CYTH3: variants seen among roughly 807,000 people sequenced by gnomAD.
CYTH3 encodes the protein cytohesin-3.
Under a neutral mutation model 55.1 loss-of-function variants are expected in CYTH3, and 23 were observed. That is an observed-to-expected ratio of 0.42 (90% CI 0.30 to 0.59). The LOEUF (loss-of-function observed/expected upper bound fraction) is 0.59, where lower values mean the gene tolerates loss of function less well. CYTH3 is among the 20% of genes least tolerant of loss of function. The pLI, the probability that CYTH3 is intolerant of heterozygous loss-of-function variation, is 0.20. For synonymous variants in CYTH3, 249 were observed against 194.9 expected (o/e 1.28, Z -2.31); for missense variants, 413 against 524.8 (o/e 0.79, Z 2.08).
chr7:6,265,492 G>A (rs982030893), intron 1 of CYTH3, among the ~76,000 whole-genome samples: 1 of 151,536 alleles, frequency 6.6e-6, no homozygotes, highest in South Asian at 2.1e-4. Flanking sequence ...GGTGGCACGC[G>A]CCTGTAGTCC....
At chr7:6,204,759 C>G (rs1784145470) in intron 1 of CYTH3, among the ~76,000 whole-genome samples, 1 of 152,222 alleles carries the variant, frequency 6.6e-6, no homozygotes, top group African/African-American at 2.4e-5. Flanking sequence ...CCTTCCTGCT[C>G]AAAATACTTA....
In CYTH3 at chr7:6,196,247, G is replaced by A. The variant is rs79738293; in HGVS notation, c.35-5716C>T. ...GGAATGAATGCGCACCACACTTAGC[G>A]TTGAAGGAGAAGAAACACAAAGAAA... On this transcript the variant is annotated intron_variant, in intron 1 of 12. Transcript: ENST00000350796. Among the ~76,000 whole-genome samples the A allele has an allele frequency of 2.3e-3, 345 of 152,196 alleles. 2 individuals carry two copies. Among genetic ancestry groups the A allele is most frequent in the African/African-American group, 8.1e-3 (335 of 41,522 alleles).
At chr7:6,172,996 G>C (rs999003457) in intron 6 of CYTH3, 14 of 1,091,180 alleles carry the variant, frequency 1.3e-5, no homozygotes, top group South Asian at 4.0e-5. Flanking sequence ...GGTGCGGCCT[G>C]ATTTTCTTAG....
chr7:6,206,457 G>A (rs1784190271), intron 1 of CYTH3, among the ~76,000 whole-genome samples: 1 of 152,184 alleles, frequency 6.6e-6, no homozygotes, highest in Non-Finnish European at 1.5e-5. Context: ...ATCTGGGGAG[G>A]CAGAAAGTAC....
At position 6,259,784 on chromosome 7, in the gene CYTH3, A is replaced by ATTTTATAT. The variant is rs1491413119; in HGVS notation, c.34+12689_34+12690insATATAAAA. On this transcript the variant is annotated intron_variant, in intron 1 of 12. Transcript: ENST00000350796. ...ATATATATATATATTATATATATAT[A>ATTTTATAT]ATATATATATATATATATATATATA... Among the ~76,000 whole-genome samples, 2 of 20,948 alleles carry ATTTTATAT rather than the reference A, an allele frequency of 9.5e-5. 1 individual carries two copies. Among genetic ancestry groups the ATTTTATAT allele is most frequent in the African/African-American group, 1.0e-3 (2 of 1,992 alleles). 13.7% of individuals were successfully genotyped at this position (20,948 alleles called of 152,430 possible).
At chr7:6,249,720 C>A (rs1161800245) in intron 1 of CYTH3, among the ~76,000 whole-genome samples, 1 of 152,168 alleles carries the variant, frequency 6.6e-6, no homozygotes. Flanking sequence ...TTTTTCCCCA[C>A]CTACGTTGAG....
intron 1 of CYTH3, among the ~76,000 whole-genome samples, chr7:6,244,356 A>T (rs1779751759): frequency 6.6e-6 from 1 of 152,372 alleles, no homozygotes; most frequent in Middle Eastern, 3.4e-3. Context: ...TGCATTAATT[A>T]CAGACTAATT....
intron 1 of CYTH3, among the ~76,000 whole-genome samples, chr7:6,219,003 CAAAAA>C (rs35386425): frequency 9.4e-5 from 7 of 74,302 alleles, no homozygotes; most frequent in South Asian, 9.8e-4. Flanking sequence ...GACTCCGTCT[CAAAAA>C]AAAAAAAAAA....
chr7:6,177,707 C>G (rs1353307494), intron 5 of CYTH3, 116 bp downstream of exon 5: 2 of 773,370 alleles, frequency 2.6e-6, no homozygotes, highest in African/African-American at 3.5e-5. Flanking sequence ...ATGCCCACAG[C>G]CCGTGGCTCT....
At chr7:6,225,423 G>A (rs978148929) in intron 1 of CYTH3, among the ~76,000 whole-genome samples, 6 of 148,998 alleles carry the variant, frequency 4.0e-5, no homozygotes, top group Admixed American at 6.7e-5. Flanking sequence ...GCACGATCTC[G>A]GCTCACCACA....
intron 1 of CYTH3, among the ~76,000 whole-genome samples, chr7:6,196,364 G>C (rs771271464): frequency 9.3e-5 from 14 of 151,042 alleles, no homozygotes; most frequent in Non-Finnish European, 1.6e-4. Flanking sequence ...TGCCCAGAGA[G>C]ATCAAATAAA....
chr7:6,253,980 G>C (rs897355403), intron 1 of CYTH3, among the ~76,000 whole-genome samples: 36 of 150,490 alleles, frequency 2.4e-4, no homozygotes, highest in African/African-American at 8.8e-4. Flanking sequence ...GTGACAGAGT[G>C]AGACTCTGTC....
chr7:6,210,090 T>C (rs1267572616), intron 1 of CYTH3, among the ~76,000 whole-genome samples: 1 of 152,172 alleles, frequency 6.6e-6, no homozygotes, highest in Non-Finnish European at 1.5e-5. Context: ...GAAATGCTAT[T>C]GTAAACCATA....
At chr7:6,229,742 G>A (rs532597992) in intron 1 of CYTH3, among the ~76,000 whole-genome samples, 5 of 151,558 alleles carry the variant, frequency 3.3e-5, no homozygotes, top group Non-Finnish European at 5.9e-5. Context: ...ACTTGAACCC[G>A]GGAGGCGGAG....
chr7:6,245,898 CTT>C (rs1311042565), intron 1 of CYTH3, among the ~76,000 whole-genome samples: 1 of 152,036 alleles, frequency 6.6e-6, no homozygotes, highest in African/African-American at 2.4e-5. Context: ...GAGTGAAACT[CTT>C]TTTTATTTTT....
chr7:6,253,454 C>A (rs536876724), intron 1 of CYTH3, among the ~76,000 whole-genome samples: 203 of 152,154 alleles, frequency 1.3e-3, no homozygotes, highest in African/African-American at 4.7e-3. Context: ...AGTGATCCGC[C>A]TGCCTCGGCC....
At chr7:6,194,239 A>G (rs1278518333) in intron 1 of CYTH3, among the ~76,000 whole-genome samples, 1 of 152,244 alleles carries the variant, frequency 6.6e-6, no homozygotes, top group Non-Finnish European at 1.5e-5. Flanking sequence ...GCTTGCCCCC[A>G]TTACAAACAT....
intron 1 of CYTH3, among the ~76,000 whole-genome samples, chr7:6,263,735 T>A (rs1304736774): frequency 6.7e-6 from 1 of 150,038 alleles, no homozygotes; most frequent in African/African-American, 2.5e-5. Flanking sequence ...GAGGTAGAGG[T>A]TTCAATGAGC....
intron 4 of CYTH3, among the ~76,000 whole-genome samples, chr7:6,179,685 C>G (rs1165762417): frequency 4.7e-5 from 4 of 85,768 alleles, no homozygotes; most frequent in African/African-American, 2.3e-4. Flanking sequence ...ACCACACACA[C>G]CCCCCCACAC....
Sources: allele counts gnomAD v4.1 joint callset (sites outside exome capture counted in the v4.1 genomes callset), GRCh38; gene constraint gnomAD v4.1.1; transcripts MANE v1.5; gene names NCBI Gene and HGNC (gene_info 2026-07-23, HGNC 2026-07-21).